L3HYPDH: variants seen among roughly 807,000 people sequenced by gnomAD.
L3HYPDH encodes trans-3-hydroxy-L-proline dehydratase.
Under a neutral mutation model 26.5 loss-of-function variants are expected in L3HYPDH, and 32 were observed. That is an observed-to-expected ratio of 1.21 (90% CI 0.91 to 1.62). The LOEUF is 1.62. Among genes scored for constraint, L3HYPDH ranks in the 40% most tolerant of loss-of-function variants. The pLI is 0.00. For missense variants in L3HYPDH, 554 were observed against 476.4 expected (o/e 1.16, Z -1.52); for synonymous variants, 215 against 196.6 (o/e 1.09, Z -0.78).
intron 2 of L3HYPDH, among the ~76,000 whole-genome samples, chr14:59,476,459 C>A (rs1270493): frequency 0.071 from 10,840 of 152,212 alleles, 574 homozygotes; most frequent in African/African-American, 0.15. Context: ...CTGCATATAG[C>A]CTTTGCTAAA....
intron 1 of L3HYPDH, among the ~76,000 whole-genome samples, chr14:59,483,072 G>A (rs1448878910): frequency 6.6e-6 from 1 of 152,144 alleles, no homozygotes; most frequent in African/African-American, 2.4e-5. Flanking sequence ...GGCTCAATAG[G>A]CCTAGGGAAC....
In L3HYPDH at chr14:59,475,892, C is replaced by G. The variant is rs778396837; in HGVS notation, c.916G>C (p.Val306Leu). The change falls in exon 4 of 5, where the codon GTA becomes CTA. Residue 306 changes from valine (V) to leucine (L), a missense_variant. Physicochemically the swap from Val to Leu is conservative, Grantham distance 32. Coordinates refer to ENST00000247194, the MANE Select transcript of L3HYPDH (RefSeq NM_144581.2). The part of the protein sequence containing the change: ...RAFKSSATGS[V>L]FTGKAVREAK... ...ACCCTCACAGCTTTCCCTGTGAATA[C>G]TGAGCCAGTTGCACTGCTTTTGAAG... 6.2e-7 allele frequency: 1 copy of G among 1,613,272 alleles called. No homozygotes were observed. The highest frequency in any genetic ancestry group is 8.5e-7 in the Non-Finnish European group (1 of 1,179,808).
intron 2 of L3HYPDH, among the ~76,000 whole-genome samples, chr14:59,477,643 C>T (rs1322243683): frequency 6.6e-6 from 1 of 152,162 alleles, no homozygotes; most frequent in African/African-American, 2.4e-5. Context: ...CTTAATGGAA[C>T]AGAAAACTGA....
chr14:59,495,166 A>G, the L3HYPDH span: 1 of 1,613,868 alleles, frequency 6.2e-7, no homozygotes, highest in South Asian at 1.1e-5. Context: ...GATGCTTTAC[A>G]ACCCAAGTCC....
intron 4 of L3HYPDH, chr14:59,474,785 A>T (rs1594906773): frequency 5.6e-6 from 2 of 358,488 alleles, no homozygotes; most frequent in African/African-American, 2.1e-5. Flanking sequence ...CTTAGCTTGG[A>T]AACTGATGCA....
upstream of L3HYPDH, chr14:59,484,973 T>C (rs2139847041): frequency 6.4e-7 from 1 of 1,561,152 alleles, no homozygotes; most frequent in Non-Finnish European, 8.6e-7. Context: ...TGTCTACTGC[T>C]TCAACCTCAA....
chr14:59,481,283 C>G (rs1170767667), intron 1 of L3HYPDH, among the ~76,000 whole-genome samples: 1 of 152,162 alleles, frequency 6.6e-6, no homozygotes, highest in Non-Finnish European at 1.5e-5. Flanking sequence ...TTATTTCACC[C>G]ATGAGTACTT....
the L3HYPDH span, chr14:59,504,142 G>GT: frequency 1.9e-5 from 16 of 858,610 alleles, no homozygotes; most frequent in South Asian, 2.4e-4. Flanking sequence ...TCTTAACAGT[G>GT]TATGAGAACT....
Position 59,479,229 on chromosome 14 carries a change from C to G in L3HYPDH, c.631G>C (p.Asp211His), listed in dbSNP as rs1349812740. ...ACTGCACTCGCTGCATCCACAAGGT[C>G]CCTGGTCTTTGCAGAACAAATGTCT... Reference protein sequence around the residue: ...GLDICSAKTRDLVDAASAVTE... With the variant: ...GLDICSAKTRHLVDAASAVTE... Residue 211 changes from aspartate to histidine, a missense_variant, in exon 2 of 5, where the codon GAC becomes CAC. By Grantham distance (81) the Asp-to-His change is moderately conservative. Transcript: ENST00000247194. 3 of 1,613,110 alleles carry G rather than the reference C, an allele frequency of 1.9e-6. No homozygotes were observed. Among genetic ancestry groups the G allele is most frequent in the African/African-American group, 1.3e-5 (1 of 74,850 alleles).
chr14:59,495,717 G>A, the L3HYPDH span, among the ~76,000 whole-genome samples: 1 of 152,132 alleles, frequency 6.6e-6, no homozygotes, highest in East Asian at 1.9e-4. Context: ...GGGGGAAAGG[G>A]AAAATAGAAG....
chr14:59,482,352 A>ACTGT (rs1444167049), intron 1 of L3HYPDH, among the ~76,000 whole-genome samples: 1 of 152,168 alleles, frequency 6.6e-6, no homozygotes, highest in Non-Finnish European at 1.5e-5. Flanking sequence ...TAATCATTGT[A>ACTGT]CTGTCATACA....
downstream of L3HYPDH, among the ~76,000 whole-genome samples, chr14:59,470,221 TTA>T (rs1485028414): frequency 1.3e-5 from 2 of 152,120 alleles, no homozygotes; most frequent in African/African-American, 2.4e-5. Flanking sequence ...AAACAGGTAA[TTA>T]AAATAGGCTC....
chr14:59,484,422 CG>C (rs1890336137), upstream of L3HYPDH: 8 of 1,370,952 alleles, frequency 5.8e-6, no homozygotes, highest in Admixed American at 2.0e-5. Context: ...CAGCCACGTC[CG>C]GGGGGCGGGG....
At chr14:59,468,691 AT>A (rs1889249456), downstream of L3HYPDH, among the ~76,000 whole-genome samples, 1 of 152,170 alleles carries the variant, frequency 6.6e-6, no homozygotes, top group South Asian at 2.1e-4. Context: ...TTGCCTGTTT[AT>A]TTTATGAGAT....
chr14:59,494,919 T>C, the L3HYPDH span: 5 of 838,078 alleles, frequency 6.0e-6, no homozygotes, highest in Non-Finnish European at 9.4e-6. Context: ...ACTTTTCTTA[T>C]AGATTTAGAA....
At chr14:59,503,826 CTTTT>C in the L3HYPDH span, 11 of 1,450,794 alleles carry the variant, frequency 7.6e-6, no homozygotes, top group Non-Finnish European at 9.6e-6. Flanking sequence ...CTGTATTTCT[CTTTT>C]CTTTCTTTTA....
At chr14:59,474,397 T>G in intron 4 of L3HYPDH, 1 of 626,036 alleles carries the variant, frequency 1.6e-6, no homozygotes, top group Non-Finnish European at 2.9e-6. Flanking sequence ...TTCCCAGGAG[T>G]GCCTTATATG....
chr14:59,504,074 T>G, the L3HYPDH span: 1 of 1,594,912 alleles, frequency 6.3e-7, no homozygotes, highest in East Asian at 2.2e-5. Flanking sequence ...GGACACTGAG[T>G]GTAGACATGT....
chr14:59,504,596 C>A, the L3HYPDH span: 2 of 152,410 alleles, frequency 1.3e-5, no homozygotes, highest in South Asian at 2.1e-4. Flanking sequence ...TGATGTATTG[C>A]AAAAATAGAT....
Sources: allele counts gnomAD v4.1 joint callset (sites outside exome capture counted in the v4.1 genomes callset), GRCh38; gene constraint gnomAD v4.1.1; transcripts MANE v1.5; gene names NCBI Gene and HGNC (gene_info 2026-07-23, HGNC 2026-07-21).